The following NEDD4 variants were observed in gnomAD, a reference collection of about 807,000 sequenced individuals.
NEDD4 encodes the protein NEDD4 E3 ubiquitin protein ligase.
Under a neutral mutation model 144.9 loss-of-function variants are expected in NEDD4, and 99 were observed. The ratio of observed to expected loss-of-function variants is 0.68; its 90% confidence interval spans 0.58 to 0.81. NEDD4 has a LOEUF of 0.81. Ranked by LOEUF, NEDD4 falls within the 30% of genes least tolerant of loss-of-function variation. NEDD4 has a pLI of 0.00. For synonymous variants in NEDD4, 318 were observed against 350.6 expected, an observed-to-expected ratio of 0.91 and a Z score of 1.04; for missense variants, 985 against 1,065.9, an observed-to-expected ratio of 0.92 and a Z score of 1.06.
chr15:55,884,002 C>T (rs1385952262), intron 5 of NEDD4, among the ~76,000 whole-genome samples: 3 of 151,924 alleles, frequency 2.0e-5, no homozygotes, highest in Non-Finnish European at 4.4e-5. Context: ...GCCTCAGCCT[C>T]CCAAGTAGCT....
chr15:55,898,810 AT>A (rs1244927585), intron 5 of NEDD4, among the ~76,000 whole-genome samples: 2 of 150,708 alleles, frequency 1.3e-5, no homozygotes, highest in South Asian at 2.1e-4. Flanking sequence ...ATTAAAAACA[AT>A]TTTTTTTTAA....
intron 1 of NEDD4, among the ~76,000 whole-genome samples, chr15:55,986,362 C>A (rs968556166): frequency 2.0e-5 from 3 of 152,034 alleles, no homozygotes; most frequent in Admixed American, 1.3e-4. Flanking sequence ...AGAGAAGAAA[C>A]CTGGCAGACA....
At chr15:55,983,673 G>A (rs144932707) in intron 1 of NEDD4, among the ~76,000 whole-genome samples, 1,779 of 149,634 alleles carry the variant, frequency 0.012, 19 homozygotes, top group Middle Eastern at 0.038. Context: ...GTGCAGTGGC[G>A]CAGTCTCGGT....
intron 5 of NEDD4, among the ~76,000 whole-genome samples, chr15:55,906,538 A>T (rs1232449498): frequency 6.6e-6 from 1 of 151,998 alleles, no homozygotes; most frequent in African/African-American, 2.4e-5. Flanking sequence ...AGGGACAAAA[A>T]ACCAAACACC....
intron 18 of NEDD4, among the ~76,000 whole-genome samples, chr15:55,842,770 G>T (rs1429845147): frequency 6.6e-5 from 10 of 152,166 alleles, no homozygotes; most frequent in African/African-American, 2.2e-4. Flanking sequence ...ACCGTTCTGT[G>T]ACCTGTAGGA....
intron 1 of NEDD4, among the ~76,000 whole-genome samples, chr15:55,992,234 G>T (rs540266303): frequency 2.0e-5 from 3 of 152,200 alleles, no homozygotes; most frequent in Non-Finnish European, 4.4e-5. Context: ...GTTTCTGAGG[G>T]ACTATGAGCC....
At chr15:55,929,509 G>A (rs747754930) in intron 4 of NEDD4, among the ~76,000 whole-genome samples, 9 of 151,924 alleles carry the variant, frequency 5.9e-5, no homozygotes, top group Non-Finnish European at 1.2e-4. Flanking sequence ...CAAGCAGGCC[G>A]CGGTGTCTAT....
chr15:55,926,358 T>C (rs1050986341), intron 4 of NEDD4, among the ~76,000 whole-genome samples: 1 of 152,198 alleles, frequency 6.6e-6, no homozygotes, highest in African/African-American at 2.4e-5. Flanking sequence ...CTTGCATTTA[T>C]CTTTCCTGTC....
In NEDD4 at chr15:55,838,612, G is replaced by A; in HGVS notation, c.2032-8C>T. Reference sequence around the variant, plus strand: ...ATTGTAATATTCACTATCCTAGATGGGAAAAATTACATATTTAAAATTTGT... The same window carrying A: ...ATTGTAATATTCACTATCCTAGATGAGAAAAATTACATATTTAAAATTTGT... On this transcript the variant is annotated splice_polypyrimidine_tract_variant and splice_region_variant and intron_variant, in intron 21 of 28. Transcript: ENST00000435532. 1 of 1,578,288 alleles carries A rather than the reference G, an allele frequency of 6.3e-7. No individual in the cohort carries two copies. Among genetic ancestry groups the A allele is most frequent in the South Asian group, 1.1e-5 (1 of 89,616 alleles).
At chr15:55,895,012 A>AG (rs2035695108) in intron 5 of NEDD4, among the ~76,000 whole-genome samples, 1 of 152,162 alleles carries the variant, frequency 6.6e-6, no homozygotes, top group Non-Finnish European at 1.5e-5. Context: ...TAAAAAAGGG[A>AG]GGGGCTCATC....
chr15:55,869,440 T>A, intron 8 of NEDD4, 139 bp downstream of exon 8: 2 of 585,078 alleles, frequency 3.4e-6, no homozygotes, highest in South Asian at 4.8e-5. Flanking sequence ...AAACTATTAA[T>A]GCTTGGGTGA....
Position 55,834,267 on chromosome 15 carries a change from G to C in NEDD4, c.2282C>G (p.Pro761Arg), listed in dbSNP as rs748199134. The C allele has an allele frequency of 6.2e-7, 1 of 1,607,126 alleles. No individual in the cohort carries two copies. The highest frequency in any genetic ancestry group is 1.1e-5 in the South Asian group (1 of 90,888). ...ATCAAAAATTTTGATGAGATCCTGT[G>C]GTATTAGTTCAAAGAATCCCTAGAA... ...AFKEGFFELI[P>R]QDLIKIFDEN... The change falls in exon 25 of 29, where the codon CCA becomes CGA. Residue 761 changes from proline to arginine, a missense_variant. Coordinates refer to ENST00000435532, the MANE Select transcript of NEDD4 (RefSeq NM_006154.4).
intron 5 of NEDD4, among the ~76,000 whole-genome samples, chr15:55,897,848 C>T (rs1242723544): frequency 1.3e-5 from 2 of 152,212 alleles, no homozygotes; most frequent in African/African-American, 4.8e-5. Context: ...TTCCCCTATA[C>T]TTTTCCCCAG....
chr15:55,928,432 C>G lies in NEDD4; in HGVS notation c.238-3733G>C, dbSNP rs189257267. On this transcript the variant is annotated intron_variant, in intron 4 of 28. Transcript: ENST00000435532. ...TGGTCTAAATAACAAAATCCAAAAG[C>G]CTGAGTATGGAATGATCCTTCATGA... is the stretch of plus-strand genomic sequence containing the variant. Among the ~76,000 whole-genome samples the G allele has an allele frequency of 1.7e-4, 26 of 152,302 alleles. No individual in the cohort carries two copies. The East Asian group carries it at 4.8e-3, about 28-fold the overall frequency.
chr15:55,865,152 C>T (rs950886978), intron 8 of NEDD4, among the ~76,000 whole-genome samples: 5 of 145,096 alleles, frequency 3.4e-5, no homozygotes, highest in African/African-American at 7.7e-5. Flanking sequence ...GAGCTGAGAT[C>T]GCACCACTGC....
At chr15:55,948,458 A>G (rs781500897) in intron 4 of NEDD4, among the ~76,000 whole-genome samples, 1 of 152,226 alleles carries the variant, frequency 6.6e-6, no homozygotes, top group Non-Finnish European at 1.5e-5. Context: ...AACTACTTTA[A>G]AGTTCATATG....
At chr15:55,968,134 C>T (rs1160829465) in intron 1 of NEDD4, among the ~76,000 whole-genome samples, 1 of 151,892 alleles carries the variant, frequency 6.6e-6, no homozygotes, top group African/African-American at 2.4e-5. Flanking sequence ...TAATACTATT[C>T]CCATTCTCCC....
intron 5 of NEDD4, among the ~76,000 whole-genome samples, chr15:55,896,615 T>C (rs2035747377): frequency 6.6e-6 from 1 of 152,182 alleles, no homozygotes; most frequent in African/African-American, 2.4e-5. Flanking sequence ...AGACGGTAAA[T>C]TCCTTGAGGT....
intron 1 of NEDD4, among the ~76,000 whole-genome samples, chr15:55,967,295 T>C (rs1409874901): frequency 6.6e-6 from 1 of 152,228 alleles, no homozygotes; most frequent in African/African-American, 2.4e-5. Flanking sequence ...AAATATTAAA[T>C]ATCTTTGATA....
Sources: allele counts gnomAD v4.1 joint callset (sites outside exome capture counted in the v4.1 genomes callset), GRCh38; gene constraint gnomAD v4.1.1; transcripts MANE v1.5; gene names NCBI Gene and HGNC (gene_info 2026-07-23, HGNC 2026-07-21).